EQTN: variants seen among roughly 807,000 people sequenced by gnomAD.
The protein encoded by EQTN is Acrosome formation associated factor.
In EQTN, 29 loss-of-function variants were observed where a neutral mutation model predicts 26.9. The observed-to-expected ratio is 1.08, with a 90% CI of 0.80 to 1.47. The LOEUF is 1.47. EQTN is among the 40% of genes most tolerant of loss of function. The pLI is 0.00. For synonymous variants in EQTN, 129 were observed against 120.0 expected, an observed-to-expected ratio of 1.07 and a Z score of -0.49; for missense variants, 391 against 346.1, an observed-to-expected ratio of 1.13 and a Z score of -1.03.
At chr9:27,290,741 G>T (rs1049079303) in intron 5 of EQTN, among the ~76,000 whole-genome samples, 1 of 152,182 alleles carries the variant, frequency 6.6e-6, no homozygotes, top group Non-Finnish European at 1.5e-5. Context: ...AAAGATGAAT[G>T]ATATTGAGCA....
At chr9:27,288,659 A>G (rs1820167279) in intron 6 of EQTN, among the ~76,000 whole-genome samples, 1 of 152,238 alleles carries the variant, frequency 6.6e-6, no homozygotes, top group Non-Finnish European at 1.5e-5. Context: ...CATTCATACA[A>G]TGGAATATCA....
At position 27,284,928 on chromosome 9, in the gene EQTN, G is replaced by C; in HGVS notation, c.680C>G (p.Ala227Gly). 1 of 1,613,964 alleles carries C rather than the reference G, an allele frequency of 6.2e-7. No individual in the cohort carries two copies. The highest frequency in any genetic ancestry group is 8.5e-7 in the Non-Finnish European group (1 of 1,179,924). The change falls in exon 8 of 8, where the codon GCC (alanine) becomes GGC (glycine). Residue 227 changes from alanine to glycine, a missense_variant. Physicochemically the swap from Ala to Gly is moderately conservative, Grantham distance 60. Transcript: ENST00000380032. ...TGATGGATGAAAGTAAGACATCGTG[G>C]CCAGCTCTGGGTTGACAGAGTACTG... ...ESQYSVNPEL[A>G]TMSYFHPSEG...
chr9:27,289,587 C>T (rs1363865335), intron 6 of EQTN, 85 bp downstream of exon 6: 25 of 1,138,360 alleles, frequency 2.2e-5, no homozygotes, highest in East Asian at 7.7e-5. Context: ...TGGACTCAAG[C>T]GATCCACCTG....
chr9:27,295,765 G>C (rs912738626), intron 2 of EQTN, among the ~76,000 whole-genome samples: 11 of 129,598 alleles, frequency 8.5e-5, no homozygotes, highest in Non-Finnish European at 1.2e-4. Flanking sequence ...CCGGGAGGCG[G>C]AACTTGGAGC....
Position 27,289,667 on chromosome 9 carries a change from C to T in EQTN, c.481+5G>A, listed in dbSNP as rs777846425. The T allele has an allele frequency of 1.9e-6, 3 of 1,602,164 alleles. No homozygotes were observed. The highest frequency in any genetic ancestry group is 2.7e-5 in the African/African-American group (2 of 74,720). On this transcript the variant is annotated splice_donor_5th_base_variant and intron_variant, in intron 6 of 7. Coordinates refer to ENST00000380032, the MANE Select transcript of EQTN (RefSeq NM_020641.3). ...ACCCAGTCAATTGAAATATTTTGTT[C>T]TTACCTGGAATTGGGTGAAATAATT...
At chr9:27,290,589 C>T (rs192723186) in intron 5 of EQTN, among the ~76,000 whole-genome samples, 15 of 152,298 alleles carry the variant, frequency 9.8e-5, no homozygotes, top group Admixed American at 3.9e-4. Flanking sequence ...TATACACACA[C>T]GCATAGAAAT....
chr9:27,289,779 A>G, intron 5 of EQTN, 48 bp from the exon 6 acceptor site: 1 of 1,496,148 alleles, frequency 6.7e-7, no homozygotes, highest in Non-Finnish European at 9.2e-7. Context: ...ACTTACTAAA[A>G]TTATTGCCTG....
chr9:27,292,372 G>A, intron 4 of EQTN, 29 bp downstream of exon 4: 1 of 1,409,798 alleles, frequency 7.1e-7, no homozygotes, highest in South Asian at 1.2e-5. Flanking sequence ...TATTCTCCAG[G>A]TATGAATACA....
At chr9:27,291,922 A>C (rs1820243090) in intron 4 of EQTN, among the ~76,000 whole-genome samples, 1 of 152,152 alleles carries the variant, frequency 6.6e-6, no homozygotes, top group South Asian at 2.1e-4. Flanking sequence ...ATAAGGAACA[A>C]TATTCTTGAC....
intron 6 of EQTN, among the ~76,000 whole-genome samples, 188 bp from the exon 7 acceptor site, chr9:27,286,550 T>C (rs1413817055): frequency 6.6e-6 from 1 of 152,200 alleles, no homozygotes; most frequent in Non-Finnish European, 1.5e-5. Context: ...TTAACTTGCC[T>C]CTTTAACCTT....
intron 4 of EQTN, 105 bp from the exon 5 acceptor site, chr9:27,291,168 CTT>C: frequency 2.0e-6 from 2 of 983,804 alleles, no homozygotes; most frequent in Non-Finnish European, 3.0e-6. Context: ...AGCAGTTAAA[CTT>C]TGAGCTCCTA....
At position 27,286,749 on chromosome 9, in the gene EQTN, G is replaced by A. The variant is rs77108677; in HGVS notation, c.482-387C>T. Among the ~76,000 whole-genome samples the A allele has an allele frequency of 4.6e-5, 7 of 152,234 alleles. No homozygotes were observed. In the East Asian group the frequency reaches 1.2e-3, roughly 25 times the overall value. On this transcript the variant is annotated intron_variant, in intron 6 of 7. Coordinates refer to ENST00000380032, the MANE Select transcript of EQTN (RefSeq NM_020641.3). ...GTCTGAAGAGATTATTATTCAAAAC[G>A]ATTGACTTACACACAAGGGACCAGT...
At chr9:27,292,551 A>C (rs1336974444) in intron 3 of EQTN, 64 bp from the exon 4 acceptor site, 1 of 909,856 alleles carries the variant, frequency 1.1e-6, no homozygotes, top group Non-Finnish European at 1.7e-6. Context: ...GAGAATAGAT[A>C]TTTTTTAATA....
intron 2 of EQTN, 26 bp from the exon 3 acceptor site, chr9:27,294,428 G>T: frequency 6.9e-7 from 1 of 1,444,318 alleles, no homozygotes; most frequent in South Asian, 1.3e-5. Context: ...AAAGTCTTCA[G>T]CAACTAGCTA....
intron 7 of EQTN, 101 bp downstream of exon 7, chr9:27,286,108 A>G: frequency 8.7e-7 from 1 of 1,151,218 alleles, no homozygotes; most frequent in Non-Finnish European, 1.2e-6. Flanking sequence ...CGTATGGATG[A>G]ATTCAGAGGT....
chr9:27,289,816 G>A (rs1226166630), intron 5 of EQTN, 85 bp from the exon 6 acceptor site: 4 of 952,110 alleles, frequency 4.2e-6, no homozygotes, highest in Non-Finnish European at 6.4e-6. Flanking sequence ...TATAATTATA[G>A]TACCCAGTGT....
In EQTN at chr9:27,286,312, G is replaced by C; in HGVS notation, c.532C>G (p.Leu178Val). ...ATTCCCAGCATTATTTTGATCTTCAGATCCTCTAGATCTGGCTGATTTTCT... is the reference window on the plus strand; with the variant it reads ...ATTCCCAGCATTATTTTGATCTTCACATCCTCTAGATCTGGCTGATTTTCT... ...QGENQPDLED[L>V]KIKIMLGISL... The change falls in exon 7 of 8, where the codon CTG becomes GTG. Residue 178 changes from leucine (L) to valine (V), a missense_variant. Transcript: ENST00000380032. The C allele has an allele frequency of 1.2e-6, 2 of 1,607,496 alleles. No homozygotes were observed. Among genetic ancestry groups the C allele is most frequent in the Non-Finnish European group, 1.7e-6 (2 of 1,176,800 alleles).
intron 4 of EQTN, chr9:27,291,986 T>A (rs1414101914): frequency 1.3e-5 from 2 of 152,264 alleles, no homozygotes; most frequent in African/African-American, 4.8e-5. Flanking sequence ...CAACCTCAAA[T>A]AATCATAGGA....
At chr9:27,289,629 C>T in intron 6 of EQTN, 43 bp downstream of exon 6, 1 of 1,529,886 alleles carries the variant, frequency 6.5e-7, no homozygotes, top group Non-Finnish European at 8.9e-7. Context: ...GGATTATAGG[C>T]ATTAGCCACT....
Sources: allele counts gnomAD v4.1 joint callset (sites outside exome capture counted in the v4.1 genomes callset), GRCh38; gene constraint gnomAD v4.1.1; transcripts MANE v1.5; gene names NCBI Gene and HGNC (gene_info 2026-07-23, HGNC 2026-07-21).